UBE2W: variants seen among roughly 807,000 people sequenced by gnomAD.
The protein encoded by UBE2W is ubiquitin-conjugating enzyme E2 W.
In UBE2W, 18 loss-of-function variants were observed where a neutral mutation model predicts 27.2. The ratio of observed to expected loss-of-function variants is 0.66; its 90% CI spans 0.46 to 0.98. UBE2W has a LOEUF of 0.98. UBE2W is among the 50% of genes least tolerant of loss of function. The pLI is 0.00. For missense variants in UBE2W, 90 were observed against 180.2 expected, an observed-to-expected ratio of 0.50 and a Z score of 2.87; for synonymous variants, 53 against 57.2, an observed-to-expected ratio of 0.93 and a Z score of 0.33.
chr8:73,794,109 G>T lies in UBE2W; in HGVS notation c.449C>A (p.Thr150Asn). The change falls in exon 6 of 6, where the codon ACT becomes AAT. Residue 150 changes from threonine to asparagine, a missense_variant. Thr to Asn is a moderately conservative substitution (Grantham distance 65, BLOSUM62 0). Transcript: ENST00000602593. ...AGGATGATAACAGTGGCATCAACAA[G>T]TATCATCTTTAAGAAAAGGAGAAAA... ...KKTKWWYHDDTC is the reference protein window; with the variant it reads ...KKTKWWYHDDNC 1 of 1,613,204 alleles carries T rather than the reference G, an allele frequency of 6.2e-7. No homozygotes were observed. Among genetic ancestry groups the T allele is most frequent in the South Asian group, 1.1e-5 (1 of 90,946 alleles).
intron 2 of UBE2W, among the ~76,000 whole-genome samples, chr8:73,828,459 A>T (rs1809940065): frequency 6.6e-6 from 1 of 152,176 alleles, no homozygotes; most frequent in South Asian, 2.1e-4. Context: ...TGACATTTAC[A>T]CTATTCCCAA....
intron 4 of UBE2W, among the ~76,000 whole-genome samples, chr8:73,809,794 G>A (rs1368724677): frequency 6.6e-6 from 1 of 152,062 alleles, no homozygotes; most frequent in Non-Finnish European, 1.5e-5. Flanking sequence ...TGGCCAGCTG[G>A]TCTCGAACTC....
chr8:73,838,197 T>C (rs1037276402), intron 1 of UBE2W, among the ~76,000 whole-genome samples: 5 of 152,204 alleles, frequency 3.3e-5, no homozygotes, highest in African/African-American at 4.8e-5. Flanking sequence ...AGTGATTTTA[T>C]AGTCCAGCTA....
At chr8:73,849,093 C>T (rs1348407844) in intron 1 of UBE2W, among the ~76,000 whole-genome samples, 1 of 152,050 alleles carries the variant, frequency 6.6e-6, no homozygotes. Flanking sequence ...TGAATCTACA[C>T]AAAAGCTACA....
Position 73,864,762 on chromosome 8 carries a change from G to C in UBE2W, c.15+14046C>G, listed in dbSNP as rs372329926. Among the ~76,000 whole-genome samples the C allele has an allele frequency of 1.8e-3, 181 of 100,098 alleles. 5 individuals carry two copies. Among genetic ancestry groups the C allele is most frequent in the East Asian group, 4.6e-3 (13 of 2,856 alleles). The allele number at this position is 100,098 out of a possible 152,430, so 65.7% of individuals were successfully genotyped here. On this transcript the variant is annotated intron_variant, in intron 1 of 5. Transcript: ENST00000602593. ...CAGCAAATTTTTTTGGGGGGGGGGG[G>C]CGGGGGGGGCTGAGGGGATATTTTT...
At chr8:73,873,129 G>A (rs1032040716) in intron 1 of UBE2W, among the ~76,000 whole-genome samples, 1 of 151,990 alleles carries the variant, frequency 6.6e-6, no homozygotes, top group Non-Finnish European at 1.5e-5. Context: ...GGCTGGTCTC[G>A]ATCTCCTGAC....
intron 1 of UBE2W, among the ~76,000 whole-genome samples, chr8:73,875,033 T>G (rs1812159193): frequency 6.6e-6 from 1 of 152,148 alleles, no homozygotes; most frequent in Admixed American, 6.5e-5. Context: ...AGTGAGACCC[T>G]GTCTCCAAAA....
intron 1 of UBE2W, among the ~76,000 whole-genome samples, chr8:73,858,168 C>CT (rs1261843604): frequency 2.0e-5 from 3 of 152,010 alleles, no homozygotes; most frequent in African/African-American, 7.2e-5. Context: ...CAAGACCAGC[C>CT]TGGCCAACAT....
At chr8:73,840,898 T>C (rs1275690541) in intron 1 of UBE2W, among the ~76,000 whole-genome samples, 2 of 151,914 alleles carry the variant, frequency 1.3e-5, no homozygotes, top group African/African-American at 4.8e-5. Flanking sequence ...ATGGGGGAGG[T>C]ATAGAGGTCT....
In UBE2W at chr8:73,787,595, GCAGAAAAGCTTAGAATTA is replaced by G. The variant is rs985014269; in HGVS notation, c.*6489_*6506del. 9 of 985,276 alleles carry G rather than the reference GCAGAAAAGCTTAGAATTA, an allele frequency of 9.1e-6. No individual in the cohort carries two copies. The highest frequency in any genetic ancestry group is 1.1e-5 in the Non-Finnish European group (9 of 829,938). The allele number at this position is 985,276 out of a possible 1,614,324, so 61.0% of individuals were successfully genotyped here. ...TGCTCCTGGGGCAAGCAGATCCCCT[GCAGAAAAGCTTAGAATTA>G]CCAGCAGAGCATATTTAATTCCTCC... On this transcript the variant is annotated 3_prime_UTR_variant, in exon 6 of 6. Transcript: ENST00000602593.
downstream of UBE2W, among the ~76,000 whole-genome samples, chr8:73,785,149 ATATTTT>A (rs1191499371): frequency 6.6e-6 from 1 of 152,032 alleles, no homozygotes; most frequent in Non-Finnish European, 1.5e-5. Flanking sequence ...GGTCATGACA[ATATTTT>A]TATTTTTTTT....
chr8:73,786,519 A>G lies in UBE2W; in HGVS notation c.*7583T>C. On this transcript the variant is annotated 3_prime_UTR_variant, in exon 6 of 6. Transcript: ENST00000602593. Reference sequence around the variant, plus strand: ...CCTACTGTTAAAAAGTTCAGGATAGATGACTGGTAGGGAGAGAAGAAAGGA... The same window carrying G: ...CCTACTGTTAAAAAGTTCAGGATAGGTGACTGGTAGGGAGAGAAGAAAGGA... 1.0e-6 allele frequency: 1 copy of G among 985,510 alleles called. No homozygotes were observed. Among genetic ancestry groups the G allele is most frequent in the African/African-American group, 1.7e-5 (1 of 57,386 alleles). 61.0% of individuals were successfully genotyped at this position (985,510 alleles called of 1,614,324 possible).
In UBE2W at chr8:73,788,123, A is replaced by G. The variant is rs1808039063; in HGVS notation, c.*5979T>C. 1.0e-6 allele frequency: 1 copy of G among 983,558 alleles called. No homozygotes were observed. Among genetic ancestry groups the G allele is most frequent in the Non-Finnish European group, 1.2e-6 (1 of 828,320 alleles). The allele number at this position is 983,558 out of a possible 1,614,324, so 60.9% of individuals were successfully genotyped here. The stretch of plus-strand genomic sequence containing the variant: ...CCCATTTAGTATTCAAGTCTACAGA[A>G]AAAATCCAATAACAACTGCTTTATT... On this transcript the variant is annotated 3_prime_UTR_variant, in exon 6 of 6. Coordinates refer to ENST00000602593, the MANE Select transcript of UBE2W (RefSeq NM_018299.6).
chr8:73,793,777 G>T lies in UBE2W; in HGVS notation c.*325C>A. 1 of 1,058,044 alleles carries T rather than the reference G, an allele frequency of 9.5e-7. No individual in the cohort carries two copies. The highest frequency in any genetic ancestry group is 1.1e-6 in the Non-Finnish European group (1 of 877,016). The allele number at this position is 1,058,044 out of a possible 1,614,324, so 65.5% of individuals were successfully genotyped here. A position where few individuals can be genotyped will look rare whatever the true frequency, so the allele number is the denominator to read the frequency against. On this transcript the variant is annotated 3_prime_UTR_variant, in exon 6 of 6. Transcript: ENST00000602593. ...CAATGAACGTACCAAAACCGCCAAGGAAGTCATTGTTATTGCACAATACAT... is the reference window on the plus strand; with the variant it reads ...CAATGAACGTACCAAAACCGCCAAGTAAGTCATTGTTATTGCACAATACAT...
intron 5 of UBE2W, among the ~76,000 whole-genome samples, chr8:73,800,188 G>C (rs1389903058): frequency 6.6e-6 from 1 of 152,172 alleles, no homozygotes; most frequent in Non-Finnish European, 1.5e-5. Context: ...TGAAGAAAAA[G>C]TTCAAAGAAG....
chr8:73,814,289 G>T (rs945477305), intron 3 of UBE2W, among the ~76,000 whole-genome samples: 1 of 152,134 alleles, frequency 6.6e-6, no homozygotes, highest in African/African-American at 2.4e-5. Context: ...GACTAGAACC[G>T]ATGTGACAAA....
At chr8:73,861,348 T>G (rs1244630478) in intron 1 of UBE2W, among the ~76,000 whole-genome samples, 1 of 152,132 alleles carries the variant, frequency 6.6e-6, no homozygotes, top group Non-Finnish European at 1.5e-5. Context: ...ATACAAGGAC[T>G]AGCAATAATA....
At chr8:73,828,923 G>A (rs1308523736) in intron 2 of UBE2W, among the ~76,000 whole-genome samples, 1 of 151,542 alleles carries the variant, frequency 6.6e-6, no homozygotes, top group Non-Finnish European at 1.5e-5. Flanking sequence ...TCCTCGTTAT[G>A]GATCTTCCAC....
chr8:73,798,348 GTA>G (rs1808508091), intron 5 of UBE2W, among the ~76,000 whole-genome samples: 1 of 152,038 alleles, frequency 6.6e-6, no homozygotes, highest in Non-Finnish European at 1.5e-5. Context: ...TGTGTTTAAG[GTA>G]TATGTGAAAC....
Sources: allele counts gnomAD v4.1 joint callset (sites outside exome capture counted in the v4.1 genomes callset), GRCh38; gene constraint gnomAD v4.1.1; transcripts MANE v1.5; gene names NCBI Gene and HGNC (gene_info 2026-07-23, HGNC 2026-07-21).